CHN2: variants seen among roughly 807,000 people sequenced by gnomAD.
CHN2 encodes beta-chimaerin.
In CHN2, 35 loss-of-function variants were observed where a neutral mutation model predicts 56.3. The observed-to-expected ratio is 0.62, with a 90% CI of 0.47 to 0.82. The LOEUF is 0.82. CHN2 is among the 40% of genes least tolerant of loss of function. CHN2 has a pLI of 0.00. For missense variants in CHN2, 491 were observed against 580.5 expected, an observed-to-expected ratio of 0.85 and a Z score of 1.58; for synonymous variants, 210 against 212.8, an observed-to-expected ratio of 0.99 and a Z score of 0.12.
At chr7:29,485,039 T>C (rs1787803062) in intron 7 of CHN2, among the ~76,000 whole-genome samples, 1 of 152,120 alleles carries the variant, frequency 6.6e-6, no homozygotes, top group South Asian at 2.1e-4. Flanking sequence ...GAAACTTAGT[T>C]ATTCTTTGTC....
intron 1 of CHN2, among the ~76,000 whole-genome samples, chr7:29,339,452 G>T (rs959625196): frequency 3.3e-5 from 5 of 152,118 alleles, no homozygotes; most frequent in African/African-American, 1.2e-4. Context: ...GAGAGCTTTC[G>T]ATATTAGCCA....
At chr7:29,367,477 C>T (rs1316745127) in intron 2 of CHN2, among the ~76,000 whole-genome samples, 3 of 152,136 alleles carry the variant, frequency 2.0e-5, no homozygotes, top group Non-Finnish European at 1.5e-5. Context: ...TTGTCCATAA[C>T]TAACATCTCA....
intron 1 of CHN2, among the ~76,000 whole-genome samples, chr7:29,338,809 A>G (rs554596219): frequency 4.4e-4 from 67 of 152,140 alleles, no homozygotes; most frequent in African/African-American, 1.6e-3. Flanking sequence ...TGAACTTTTG[A>G]CCTCCAGTGA....
At chr7:29,155,924 C>T (rs1043687340) in intron 2 of CHN2, among the ~76,000 whole-genome samples, 3 of 152,300 alleles carry the variant, frequency 2.0e-5, no homozygotes, top group East Asian at 1.9e-4. Flanking sequence ...GGCCCTGAGC[C>T]GATAGATCTA....
At chr7:29,221,715 G>A (rs982159223) in intron 1 of CHN2, among the ~76,000 whole-genome samples, 16 of 152,156 alleles carry the variant, frequency 1.1e-4, no homozygotes, top group African/African-American at 3.9e-4. Flanking sequence ...TGGGATGTTT[G>A]GTTTTCTGTT....
chr7:29,498,006 C>T (rs1789487904), intron 8 of CHN2, among the ~76,000 whole-genome samples: 1 of 152,052 alleles, frequency 6.6e-6, no homozygotes, highest in South Asian at 2.1e-4. Flanking sequence ...TGTGAATGTA[C>T]TTAATGCCAC....
intron 1 of CHN2, among the ~76,000 whole-genome samples, chr7:29,255,457 A>G (rs550690078): frequency 4.6e-5 from 7 of 152,326 alleles, no homozygotes; most frequent in South Asian, 2.1e-4. Flanking sequence ...AGCCTTTGTT[A>G]GAACCTTCCA....
chr7:29,351,107 C>CAAAAAAA (rs55787771), intron 1 of CHN2, among the ~76,000 whole-genome samples: 65 of 69,954 alleles, frequency 9.3e-4, no homozygotes, highest in East Asian at 1.5e-3. Context: ...GACTCCATCT[C>CAAAAAAA]AAAAAAAAAA....
upstream of CHN2, among the ~76,000 whole-genome samples, chr7:29,190,129 T>C (rs147766797): frequency 3.1e-4 from 47 of 152,370 alleles, no homozygotes; most frequent in African/African-American, 1.1e-3. Flanking sequence ...CAATGCGTTC[T>C]CTTTCTCAGG....
chr7:29,395,493 A>G (rs1010788214), intron 4 of CHN2, among the ~76,000 whole-genome samples: 2 of 117,584 alleles, frequency 1.7e-5, no homozygotes, highest in Non-Finnish European at 4.3e-5. Flanking sequence ...CCTGGGCAAC[A>G]GAGTGAGACC....
chr7:29,321,728 G>A (rs1327633098), intron 1 of CHN2, among the ~76,000 whole-genome samples: 1 of 151,890 alleles, frequency 6.6e-6, no homozygotes, highest in Non-Finnish European at 1.5e-5. Context: ...GCACCACCAT[G>A]CCAAGCTAAT....
chr7:29,182,165 A>G (rs1394834568), intron 2 of CHN2, among the ~76,000 whole-genome samples: 1 of 152,246 alleles, frequency 6.6e-6, no homozygotes, highest in Non-Finnish European at 1.5e-5. Context: ...CTGCAAATGC[A>G]TATGCAAATG....
intron 1 of CHN2, among the ~76,000 whole-genome samples, chr7:29,306,468 T>C (rs565532731): frequency 1.3e-5 from 2 of 152,274 alleles, no homozygotes; most frequent in South Asian, 4.1e-4. Context: ...GAAGGCAAAA[T>C]TCCTTTGTGA....
chr7:29,262,175 AAAC>A (rs1325971270), intron 1 of CHN2, among the ~76,000 whole-genome samples: 2 of 152,202 alleles, frequency 1.3e-5, no homozygotes, highest in Non-Finnish European at 2.9e-5. Context: ...CTCAAAAAAC[AAAC>A]AACAACCAAA....
At chr7:29,202,436 C>G (rs1397508441) in intron 1 of CHN2, among the ~76,000 whole-genome samples, 1 of 152,206 alleles carries the variant, frequency 6.6e-6, no homozygotes, top group African/African-American at 2.4e-5. Flanking sequence ...GGAAACAGTT[C>G]TCCTTGAACT....
chr7:29,179,182 G>A (rs1797752337), intron 2 of CHN2, among the ~76,000 whole-genome samples: 1 of 152,180 alleles, frequency 6.6e-6, no homozygotes, highest in African/African-American at 2.4e-5. Flanking sequence ...GCTTATTTGT[G>A]TTAGGCCATG....
At chr7:29,189,697 A>G (rs753887515) in intron 2 of CHN2, among the ~76,000 whole-genome samples, 1 of 149,440 alleles carries the variant, frequency 6.7e-6, no homozygotes, top group Non-Finnish European at 1.5e-5. Context: ...CACCCCCTAC[A>G]CTCCCCTTCT....
rs113034134 is a variant in CHN2 at position 29,412,506 on chromosome 7, A to G, written c.576+11678A>G. Reference sequence around the variant, plus strand: ...ACCACCACACCCAGCTAATTTTTGTATTTTTAGTAGAGACAGGTTTCACCA... The same window carrying G: ...ACCACCACACCCAGCTAATTTTTGTGTTTTTAGTAGAGACAGGTTTCACCA... On this transcript the variant is annotated intron_variant, in intron 6 of 12. Coordinates refer to ENST00000222792, the MANE Select transcript of CHN2 (RefSeq NM_004067.4). 4.2e-3 allele frequency among the ~76,000 whole-genome samples: 644 copies of G among 151,610 alleles called. 3 individuals are homozygous for G. Among genetic ancestry groups the G allele is most frequent in the Non-Finnish European group, 6.3e-3 (430 of 67,878 alleles).
At chr7:29,265,694 C>G (rs537402893) in intron 1 of CHN2, among the ~76,000 whole-genome samples, 1 of 151,750 alleles carries the variant, frequency 6.6e-6, no homozygotes, top group Admixed American at 6.6e-5. Context: ...TCTCTGGTTT[C>G]GGAAAGCAGT....
Sources: gnomAD v4.1 joint callset for allele counts (sites outside exome capture counted in the v4.1 genomes callset) on GRCh38, gnomAD v4.1.1 for gene constraint, MANE v1.5 for transcripts, NCBI Gene and HGNC (gene_info 2026-07-23, HGNC 2026-07-21) for gene names.